The following AP3B1 variants were observed in gnomAD, a reference collection of about 807,000 sequenced individuals.
The protein encoded by AP3B1 is adaptor related protein complex 3 subunit beta 1.
In AP3B1, 61 loss-of-function variants were observed where a neutral mutation model predicts 132.5. The observed-to-expected ratio is 0.46, with a 90% CI of 0.37 to 0.57. The LOEUF (loss-of-function observed/expected upper bound fraction) is 0.57, where lower values mean the gene tolerates loss of function less well. Ranked by LOEUF, AP3B1 falls within the 20% of genes least tolerant of loss-of-function variation. The pLI is 0.00. For synonymous variants in AP3B1, 388 were observed against 438.3 expected (o/e 0.89, Z 1.43); for missense variants, 1,120 against 1,289.4 (o/e 0.87, Z 2.01).
chr5:78,157,758 C>T (rs975903801), intron 13 of AP3B1, among the ~76,000 whole-genome samples: 3 of 151,124 alleles, frequency 2.0e-5, no homozygotes, highest in Admixed American at 2.0e-4. Context: ...TCCTATTACT[C>T]TTTTTTTTTG....
Position 78,175,787 on chromosome 5 carries a change from T to A in AP3B1, c.1092A>T (p.Arg364Ser), listed in dbSNP as rs769024779. 15 of 1,612,126 alleles carry A rather than the reference T, an allele frequency of 9.3e-6. No homozygotes were observed. In the African/African-American group the frequency reaches 1.7e-4, roughly 19 times the overall value. Residue 364 changes from arginine to serine, a missense_variant, in exon 10 of 27, where the codon AGA (arginine) becomes AGT (serine). By Grantham distance (110) the Arg-to-Ser change is moderately radical. Transcript: ENST00000255194. ...TACGTGTTCAGAACATACATACCTT[T>A]CTTTGAATTGACATAGTTGCTATAT... ...LQNIATMSIQ[R>S]KGMFEPYLKS... is the part of the protein sequence containing the mutation.
At chr5:78,101,125 GTGGTACCAACA>G (rs1751106162) in intron 20 of AP3B1, 100 bp from the exon 21 acceptor site, 1 of 675,846 alleles carries the variant, frequency 1.5e-6, no homozygotes, top group Admixed American at 2.7e-5. Flanking sequence ...CCTCTGCTTA[GTGGTACCAACA>G]AATTAAACTT....
chr5:78,099,883 C>A (rs1020496591), intron 21 of AP3B1, among the ~76,000 whole-genome samples: 2 of 151,350 alleles, frequency 1.3e-5, no homozygotes, highest in Non-Finnish European at 2.9e-5. Context: ...AGTGAGATTC[C>A]GTCTCGGGGG....
chr5:78,212,889 T>C (rs924130243), intron 7 of AP3B1, among the ~76,000 whole-genome samples: 1 of 151,972 alleles, frequency 6.6e-6, no homozygotes, highest in Non-Finnish European at 1.5e-5. Flanking sequence ...TTTATTTTTA[T>C]TTATTTATTT....
chr5:78,191,794 T>C (rs1176898846), intron 7 of AP3B1, among the ~76,000 whole-genome samples: 2 of 152,218 alleles, frequency 1.3e-5, no homozygotes, highest in African/African-American at 4.8e-5. Context: ...AGGGGGCTTA[T>C]GAAGTATACT....
intron 2 of AP3B1, among the ~76,000 whole-genome samples, chr5:78,258,518 C>T (rs7720734): frequency 0.28 from 43,111 of 151,874 alleles, 6,664 homozygotes; most frequent in Middle Eastern, 0.41. Context: ...TGGCTTATAC[C>T]CAAAAGAAAG....
At chr5:78,188,251 A>T (rs1202376861) in intron 7 of AP3B1, among the ~76,000 whole-genome samples, 1 of 152,226 alleles carries the variant, frequency 6.6e-6, no homozygotes, top group African/African-American at 2.4e-5. Context: ...ATTAAACTAA[A>T]GAGCTTCTGC....
At chr5:78,037,556 T>C (rs1561366804) in intron 23 of AP3B1, among the ~76,000 whole-genome samples, 1 of 152,144 alleles carries the variant, frequency 6.6e-6, no homozygotes, top group Non-Finnish European at 1.5e-5. Context: ...TATTCCTTTG[T>C]GTAAAAATAT....
intron 22 of AP3B1, chr5:78,043,937 T>C: frequency 3.0e-6 from 1 of 330,864 alleles, no homozygotes; most frequent in East Asian, 7.9e-5. Flanking sequence ...TCCAGCTCTT[T>C]ACCATTGTCC....
intron 15 of AP3B1, among the ~76,000 whole-genome samples, chr5:78,133,474 T>C (rs1049412969): frequency 6.6e-6 from 1 of 152,206 alleles, no homozygotes; most frequent in African/African-American, 2.4e-5. Context: ...TGTGCTATTT[T>C]AAGGCAAATA....
chr5:78,125,747 AT>A (rs918044355), intron 17 of AP3B1, among the ~76,000 whole-genome samples: 1 of 152,176 alleles, frequency 6.6e-6, no homozygotes. Flanking sequence ...CCAATTATTA[AT>A]TTCATAAATA....
chr5:78,001,003 CATTAT>C (rs1171498924), downstream of AP3B1: 1 of 152,124 alleles, frequency 6.6e-6, no homozygotes, highest in Non-Finnish European at 1.5e-5. Flanking sequence ...ATTCATACTA[CATTAT>C]ATTATTGATT....
chr5:78,291,852 C>T (rs1749537883), intron 1 of AP3B1, among the ~76,000 whole-genome samples: 1 of 152,130 alleles, frequency 6.6e-6, no homozygotes, highest in African/African-American at 2.4e-5. Flanking sequence ...CTGAATACAT[C>T]AACACTGTAG....
intron 3 of AP3B1, among the ~76,000 whole-genome samples, chr5:78,233,477 C>T (rs1324913385): frequency 2.0e-5 from 3 of 151,704 alleles, no homozygotes; most frequent in East Asian, 1.9e-4. Context: ...TCAGGTGATC[C>T]GCCCACCCCG....
chr5:78,129,013 G>T, intron 16 of AP3B1, 108 bp downstream of exon 16: 3 of 926,042 alleles, frequency 3.2e-6, no homozygotes, highest in Non-Finnish European at 3.2e-6. Context: ...TTATATATGC[G>T]AATCATTTAT....
At chr5:78,189,258 T>G (rs749692487) in intron 7 of AP3B1, among the ~76,000 whole-genome samples, 1 of 151,938 alleles carries the variant, frequency 6.6e-6, no homozygotes. Context: ...TAAAAAAAAA[T>G]TTTTAAACTT....
intron 2 of AP3B1, among the ~76,000 whole-genome samples, chr5:78,247,460 C>T (rs867461184): frequency 6.6e-6 from 1 of 150,736 alleles, no homozygotes; most frequent in Non-Finnish European, 1.5e-5. Flanking sequence ...AAAGCACTGA[C>T]GTCTCTATAA....
At chr5:78,024,698 G>A (rs1057373898) in intron 24 of AP3B1, among the ~76,000 whole-genome samples, 2 of 151,226 alleles carry the variant, frequency 1.3e-5, no homozygotes, top group Non-Finnish European at 2.9e-5. Flanking sequence ...CCTAGTAGCC[G>A]GGATTACAGG....
At chr5:78,171,114 C>T (rs1743894885) in intron 11 of AP3B1, among the ~76,000 whole-genome samples, 2 of 152,096 alleles carry the variant, frequency 1.3e-5, no homozygotes. Context: ...GGTACCAGTA[C>T]CATGCTGTTT....
Sources: gnomAD v4.1 joint callset for allele counts (sites outside exome capture counted in the v4.1 genomes callset) on GRCh38, gnomAD v4.1.1 for gene constraint, MANE v1.5 for transcripts, NCBI Gene and HGNC (gene_info 2026-07-23, HGNC 2026-07-21) for gene names.